The following WDR72 variants were observed in gnomAD, a reference collection of about 807,000 sequenced individuals.
WDR72 encodes the protein WD repeat domain 72.
In WDR72, 120 loss-of-function variants were observed where a neutral mutation model predicts 124.2. That is an observed-to-expected ratio of 0.97 (90% CI 0.83 to 1.12). WDR72 has a LOEUF of 1.12. Among genes scored for constraint, WDR72 ranks in the 50% most tolerant of loss-of-function variants. The pLI is 0.00. For missense variants in WDR72, 1,387 were observed against 1,278.8 expected (o/e 1.08, Z -1.29); for synonymous variants, 452 against 441.7 (o/e 1.02, Z -0.29).
At chr15:53,735,060 G>A (rs1031009142) in intron 1 of WDR72, among the ~76,000 whole-genome samples, 2 of 152,064 alleles carry the variant, frequency 1.3e-5, no homozygotes, top group Non-Finnish European at 2.9e-5. Flanking sequence ...TTGGGAGGCC[G>A]AGGTAGGTGG....
intron 14 of WDR72, among the ~76,000 whole-genome samples, chr15:53,663,279 T>C (rs1456546678): frequency 6.6e-6 from 1 of 151,898 alleles, no homozygotes; most frequent in Non-Finnish European, 1.5e-5. Context: ...AAGAGAAGTA[T>C]AGTATGTAGG....
intron 3 of WDR72, among the ~76,000 whole-genome samples, chr15:53,720,158 A>G (rs2017835643): frequency 6.6e-6 from 1 of 152,008 alleles, no homozygotes; most frequent in African/African-American, 2.4e-5. Flanking sequence ...AAAGTTACAT[A>G]CTCTTTCTTT....
At chr15:53,587,912 T>C (rs1341745259) in intron 18 of WDR72, among the ~76,000 whole-genome samples, 1 of 152,040 alleles carries the variant, frequency 6.6e-6, no homozygotes, top group East Asian at 1.9e-4. Context: ...TCATTTCTTG[T>C]AGCTTATTCT....
At chr15:53,667,442 AT>A (rs2015819499) in intron 13 of WDR72, among the ~76,000 whole-genome samples, 1 of 148,960 alleles carries the variant, frequency 6.7e-6, no homozygotes, top group South Asian at 2.1e-4. Context: ...GAAAAAAAAT[AT>A]TGATATATCT....
chr15:53,683,908 CAGG>C (rs1037422140), intron 13 of WDR72, among the ~76,000 whole-genome samples: 1 of 152,072 alleles, frequency 6.6e-6, no homozygotes, highest in Non-Finnish European at 1.5e-5. Context: ...CTTAGACTAA[CAGG>C]AGTTCTTAAC....
At chr15:53,661,632 T>C (rs1208062138) in intron 14 of WDR72, among the ~76,000 whole-genome samples, 1 of 152,108 alleles carries the variant, frequency 6.6e-6, no homozygotes, top group Admixed American at 6.6e-5. Context: ...CATTGTCTAA[T>C]ACAAATAGAA....
chr15:53,689,859 G>T (rs191694143), intron 13 of WDR72, among the ~76,000 whole-genome samples: 1 of 151,346 alleles, frequency 6.6e-6, no homozygotes, highest in Non-Finnish European at 1.5e-5. Context: ...AATGTTGCAC[G>T]TATACACCAT....
intron 18 of WDR72, among the ~76,000 whole-genome samples, chr15:53,555,493 A>G (rs1203348945): frequency 6.6e-6 from 1 of 152,130 alleles, no homozygotes; most frequent in Non-Finnish European, 1.5e-5. Flanking sequence ...CAACTTTTAT[A>G]TCAGTTTTCT....
At chr15:53,606,278 T>G (rs2013278208) in intron 17 of WDR72, among the ~76,000 whole-genome samples, 1 of 152,216 alleles carries the variant, frequency 6.6e-6, no homozygotes, top group Admixed American at 6.5e-5. Context: ...ATTTAGGAAT[T>G]TTTTGGCCAC....
intron 13 of WDR72, among the ~76,000 whole-genome samples, chr15:53,670,983 G>A (rs1486045765): frequency 6.6e-6 from 1 of 152,106 alleles, no homozygotes; most frequent in East Asian, 1.9e-4. Flanking sequence ...TTCCTCACAG[G>A]CTACGTTACA....
chr15:53,619,169 T>C (rs958258014), intron 14 of WDR72, among the ~76,000 whole-genome samples: 1 of 152,040 alleles, frequency 6.6e-6, no homozygotes, highest in Admixed American at 6.6e-5. Context: ...CTTATTATAC[T>C]TTGCATCTGT....
chr15:53,609,137 G>A (rs1342164988), intron 17 of WDR72, among the ~76,000 whole-genome samples: 1 of 151,684 alleles, frequency 6.6e-6, no homozygotes, highest in South Asian at 2.1e-4. Flanking sequence ...ACCACTATGT[G>A]CCCACAAAAA....
At chr15:53,564,968 C>A (rs1894242545) in intron 18 of WDR72, among the ~76,000 whole-genome samples, 1 of 151,810 alleles carries the variant, frequency 6.6e-6, no homozygotes, top group Admixed American at 6.6e-5. Context: ...CCAGATAATT[C>A]TAATGCAGAT....
At chr15:53,622,063 A>G (rs1208427483) in intron 14 of WDR72, among the ~76,000 whole-genome samples, 1 of 152,170 alleles carries the variant, frequency 6.6e-6, no homozygotes, top group Non-Finnish European at 1.5e-5. Context: ...GCAAATCAAA[A>G]CAGCAATGAG....
intron 13 of WDR72, among the ~76,000 whole-genome samples, chr15:53,685,473 G>C (rs1418256225): frequency 1.4e-5 from 2 of 138,178 alleles, no homozygotes; most frequent in East Asian, 2.4e-4. Flanking sequence ...GATGGAAGAT[G>C]AAATGAATGA....
chr15:53,529,670 A>G (rs74017411), intron 18 of WDR72, among the ~76,000 whole-genome samples: 6,193 of 152,058 alleles, frequency 0.041, 353 homozygotes, highest in African/African-American at 0.13. Flanking sequence ...ATGGAGCAGT[A>G]TGTGTTCCTG....
chr15:53,732,920 G>T, intron 2 of WDR72, 77 bp downstream of exon 2: 2 of 1,549,388 alleles, frequency 1.3e-6, no homozygotes, highest in Non-Finnish European at 8.9e-7. Context: ...ACCTTCCACT[G>T]TCATTGCAGA....
intron 14 of WDR72, among the ~76,000 whole-genome samples, chr15:53,636,492 G>T (rs529471064): frequency 1.3e-5 from 2 of 152,230 alleles, no homozygotes; most frequent in African/African-American, 4.8e-5. Flanking sequence ...CTCCCAATTA[G>T]ATCTGTTACC....
upstream of WDR72, among the ~76,000 whole-genome samples, chr15:53,762,386 A>G (rs1204620799): frequency 1.3e-5 from 2 of 152,084 alleles, no homozygotes; most frequent in Non-Finnish European, 2.9e-5. Flanking sequence ...CTGTCATTAC[A>G]CTTGTCACAA....
Sources: gnomAD v4.1 joint callset for allele counts (sites outside exome capture counted in the v4.1 genomes callset) on GRCh38, gnomAD v4.1.1 for gene constraint, MANE v1.5 for transcripts, NCBI Gene and HGNC (gene_info 2026-07-23, HGNC 2026-07-21) for gene names.